The following FAM153A variants were observed in gnomAD, a reference collection of about 807,000 sequenced individuals.
FAM153A encodes the protein family with sequence similarity 153 member A.
FAM153A carries 12 observed loss-of-function variants against 48.1 expected under a neutral mutation model. That is an observed-to-expected ratio of 0.25 (90% CI 0.16 to 0.40). FAM153A has a LOEUF of 0.40. Ranked by LOEUF, FAM153A falls within the 10% of genes least tolerant of loss-of-function variation. The pLI, the probability that FAM153A is intolerant of heterozygous loss-of-function variation, is 1.00. For synonymous variants in FAM153A, 36 were observed against 118.2 expected (o/e 0.30, Z 4.51); for missense variants, 111 against 345.8 (o/e 0.32, Z 5.38).
rs563125739 is a variant in FAM153A at position 177,713,076 on chromosome 5, C to T, written c.*1486G>A. On this transcript the variant is annotated 3_prime_UTR_variant and NMD_transcript_variant, in exon 27 of 27. Transcript: ENST00000360669. Reference sequence around the variant, plus strand: ...ATCAATGAAATGTCTGAGCACAGTCCAGGTGGCAGAGGTTTACTTCTTGAA... The same window carrying T: ...ATCAATGAAATGTCTGAGCACAGTCTAGGTGGCAGAGGTTTACTTCTTGAA... 2.6e-5 allele frequency: 4 copies of T among 152,072 alleles called. No individual in the cohort carries two copies. The South Asian group carries it at 8.3e-4, about 32-fold the overall frequency. 9.4% of individuals were successfully genotyped at this position (152,072 alleles called of 1,614,324 possible).
chr5:177,707,050 G>A (rs1337203406), downstream of FAM153A, among the ~76,000 whole-genome samples: 1 of 152,098 alleles, frequency 6.6e-6, no homozygotes, highest in East Asian at 1.9e-4. Context: ...AGTTATTAAA[G>A]TAAGAGTTAT....
At chr5:177,718,630 A>G (rs1397765250), downstream of FAM153A, 7 of 134,446 alleles carry the variant, frequency 5.2e-5, 1 homozygote, top group Non-Finnish European at 1.2e-4. Flanking sequence ...AAAAAATAAA[A>G]CAGGCTCTAA....
At chr5:177,697,557 T>C in the FAM153A span, among the ~76,000 whole-genome samples, 3 of 151,890 alleles carry the variant, frequency 2.0e-5, no homozygotes, top group Admixed American at 2.0e-4. Context: ...TCTGGGATGC[T>C]TCTTACTGGG....
At chr5:177,760,483 G>A (rs112307129) in intron 1 of FAM153A, among the ~76,000 whole-genome samples, 35 of 42,404 alleles carry the variant, frequency 8.3e-4, no homozygotes, top group Middle Eastern at 6.3e-3. Context: ...TGATCCACCC[G>A]CCTCGGCCTC....
rs568807093 is a variant in FAM153A at position 177,735,250 on chromosome 5, T to G, written c.665-317A>C. 1.4e-4 allele frequency among the ~76,000 whole-genome samples: 21 copies of G among 148,366 alleles called. 1 individual carries two copies. The highest frequency in any genetic ancestry group is 5.4e-4 in the African/African-American group (21 of 38,602). On this transcript the variant is annotated intron_variant, in intron 12 of 20. Coordinates refer to ENST00000614127, the Ensembl canonical transcript of FAM153A. ...AGTCATTTCCTCCTCAGAATCCACA[T>G]GTGCTGCTGATCTGTTTATCATCCC...
At chr5:177,716,964 A>AGAGTGTGTGTGT (rs71585654) in intron 24 of FAM153A, among the ~76,000 whole-genome samples, 10 of 127,652 alleles carry the variant, frequency 7.8e-5, no homozygotes, top group Non-Finnish European at 8.1e-5. Flanking sequence ...ATTCCCGCTT[A>AGAGTGTGTGTGT]GTGTGTGTGT....
chr5:177,725,903 A>C (rs1434741207), intron 18 of FAM153A, among the ~76,000 whole-genome samples: 1 of 151,814 alleles, frequency 6.6e-6, no homozygotes, highest in Non-Finnish European at 1.5e-5. Context: ...AGTGAAAGCC[A>C]ATTTAGGTTT....
chr5:177,729,683 G>A (rs1582324775), intron 16 of FAM153A, 128 bp from the exon 19 acceptor site: 18 of 1,549,484 alleles, frequency 1.2e-5, no homozygotes, highest in East Asian at 2.3e-5. Context: ...AGCTGCTGCC[G>A]GTCCATCCTC....
At chr5:177,760,131 G>A (rs1768172153) in intron 1 of FAM153A, among the ~76,000 whole-genome samples, 1 of 149,600 alleles carries the variant, frequency 6.7e-6, no homozygotes, top group African/African-American at 2.5e-5. Flanking sequence ...TTGGGCAGGT[G>A]TGCACATATA....
At chr5:177,716,994 T>TGTGC (rs980220446) in intron 24 of FAM153A, among the ~76,000 whole-genome samples, 1 of 150,852 alleles carries the variant, frequency 6.6e-6, no homozygotes, top group African/African-American at 2.5e-5. Flanking sequence ...TGTGTGTGTG[T>TGTGC]GTGTGTAGAG....
At chr5:177,737,261 G>A in intron 10 of FAM153A, 149 bp from the exon 13 acceptor site, 1 of 1,578,486 alleles carries the variant, frequency 6.3e-7, no homozygotes, top group South Asian at 1.2e-5. Context: ...CATGGTGGAG[G>A]GAAGGCAAAT....
At position 177,715,009 on chromosome 5, in the gene FAM153A, AACAC is replaced by A. The variant is rs201702581; in HGVS notation, c.*1223-1097_*1223-1094del. Among the ~76,000 whole-genome samples, 53 of 136,160 alleles carry A rather than the reference AACAC, an allele frequency of 3.9e-4. No individual in the cohort carries two copies. In the East Asian group the frequency reaches 8.3e-3, roughly 21 times the overall value. 89.3% of individuals were successfully genotyped at this position (136,160 alleles called of 152,430 possible). A position where few individuals can be genotyped will look rare whatever the true frequency, so the allele number is the denominator to read the frequency against. ...CAGATAAAGAGGGCTGACTGTATTT[AACAC>A]ACACACACATTTTCTTTTGCCTGAG... is the stretch of plus-strand genomic sequence containing the variant. On this transcript the variant is annotated intron_variant and NMD_transcript_variant, in intron 25 of 26. Coordinates refer to the FAM153A transcript ENST00000360669.
chr5:177,716,594 C>G (rs1435544014), intron 24 of FAM153A, among the ~76,000 whole-genome samples: 4 of 151,618 alleles, frequency 2.6e-5, no homozygotes, highest in Non-Finnish European at 5.9e-5. Flanking sequence ...CAAGTTCCCC[C>G]AGAAATTTGT....
rs1467278847 is a variant in FAM153A, at chr5:177,729,296, A to C, written c.933+189T>G. Among the ~76,000 whole-genome samples the C allele has an allele frequency of 1.6e-5, 2 of 121,438 alleles. 1 individual carries two copies. Among genetic ancestry groups the C allele is most frequent in the Non-Finnish European group, 3.7e-5 (2 of 53,814 alleles). 79.7% of individuals were successfully genotyped at this position (121,438 alleles called of 152,430 possible). The stretch of plus-strand genomic sequence containing the variant: ...TCTTAAGGAAAATGCCTGTTGACAC[A>C]CAGTTTGTAAGTGTGGATGCCATCT... On this transcript the variant is annotated intron_variant, in intron 17 of 20. Coordinates refer to ENST00000614127, the Ensembl canonical transcript of FAM153A.
At chr5:177,754,078 C>T (rs1299433221), upstream of FAM153A, among the ~76,000 whole-genome samples, 5 of 151,896 alleles carry the variant, frequency 3.3e-5, no homozygotes, top group African/African-American at 9.7e-5. Context: ...AGGGAATTCC[C>T]TCCCCTAGCC....
chr5:177,781,322 T>G (rs1203645511), upstream of FAM153A, among the ~76,000 whole-genome samples: 1 of 145,334 alleles, frequency 6.9e-6, no homozygotes, highest in African/African-American at 2.6e-5. Flanking sequence ...TCACCGTGTT[T>G]GCCAGGATGG....
At chr5:177,772,498 G>A (rs1451594179) in intron 1 of FAM153A, among the ~76,000 whole-genome samples, 3 of 42,026 alleles carry the variant, frequency 7.1e-5, no homozygotes, top group Admixed American at 2.5e-4. Flanking sequence ...AAGGGGTGAC[G>A]GACGCACCTG....
downstream of FAM153A, among the ~76,000 whole-genome samples, chr5:177,710,820 T>C (rs985307124): frequency 2.0e-5 from 3 of 146,838 alleles, no homozygotes; most frequent in Non-Finnish European, 4.5e-5. Context: ...CACACCTGGC[T>C]AACTTTTTGT....
the FAM153A span, among the ~76,000 whole-genome samples, chr5:177,694,261 G>A: frequency 6.7e-6 from 1 of 149,958 alleles, no homozygotes; most frequent in Non-Finnish European, 1.5e-5. Context: ...ACCTGGTGGT[G>A]GGTCAAACGC....
Sources: gnomAD v4.1 joint callset for allele counts (sites outside exome capture counted in the v4.1 genomes callset) on GRCh38, gnomAD v4.1.1 for gene constraint, MANE v1.5 for transcripts, NCBI Gene and HGNC (gene_info 2026-07-23, HGNC 2026-07-21) for gene names.